Variants in EDARADD observed in about 807,000 individuals in gnomAD.
EDARADD encodes the protein EDAR associated via death domain.
In EDARADD, 20 loss-of-function variants were observed where a neutral mutation model predicts 25.6. That is an observed-to-expected ratio of 0.78 (90% CI 0.55 to 1.14). The LOEUF (loss-of-function observed/expected upper bound fraction) is 1.14. Among genes scored for constraint, EDARADD ranks in the 50% most tolerant of loss-of-function variants. EDARADD has a pLI of 0.00. For synonymous variants in EDARADD, 86 were observed against 94.4 expected (o/e 0.91, Z 0.52); for missense variants, 225 against 270.1 (o/e 0.83, Z 1.17).
intron 4 of EDARADD, among the ~76,000 whole-genome samples, chr1:236,439,318 G>C (rs866814798): frequency 1.3e-5 from 2 of 152,158 alleles, no homozygotes; most frequent in Non-Finnish European, 2.9e-5. Context: ...AAACATTCAC[G>C]TGCAGATTTT....
chr1:236,436,277 C>T lies in EDARADD; in HGVS notation c.219+8827C>T, dbSNP rs1658247666. ...GGTTCAAGCGATTTACCTGCCTCAG[C>T]CCCCGAGTAGCTCGAACTACAGGCG... On this transcript the variant is annotated intron_variant, in intron 4 of 5. Coordinates refer to ENST00000334232, the MANE Select transcript of EDARADD (RefSeq NM_145861.4). 2.0e-5 allele frequency among the ~76,000 whole-genome samples: 3 copies of T among 152,012 alleles called. No individual in the cohort carries two copies. In the South Asian group the frequency reaches 6.2e-4, roughly 32 times the overall value.
At chr1:236,424,377 A>AT (rs1422861746) in intron 3 of EDARADD, among the ~76,000 whole-genome samples, 1 of 151,706 alleles carries the variant, frequency 6.6e-6, no homozygotes, top group Non-Finnish European at 1.5e-5. Context: ...GCCTGGGCTG[A>AT]TTTTGAACTC....
At chr1:236,452,505 T>C (rs12129254) in intron 4 of EDARADD, among the ~76,000 whole-genome samples, 18,572 of 144,854 alleles carry the variant, frequency 0.13, 1,923 homozygotes, top group East Asian at 0.52. Context: ...ATCCCCCCTC[T>C]CTCTCTCTCT....
chr1:236,383,823 G>A (rs1175034220), intron 3 of EDARADD, among the ~76,000 whole-genome samples: 1 of 152,068 alleles, frequency 6.6e-6, no homozygotes, highest in Non-Finnish European at 1.5e-5. Context: ...GGGCAACGTA[G>A]TGATACCATA....
In EDARADD at chr1:236,444,203, TTA is replaced by T. The variant is rs1405591188; in HGVS notation, c.219+16755_219+16756del. ...TTTCGTGCACTGGGAAACCAAAAAT[TTA>T]TGTGACCTGCTTTATTGCTATATTT... is the stretch of plus-strand genomic sequence containing the variant. On this transcript the variant is annotated intron_variant, in intron 4 of 5. Coordinates refer to ENST00000334232, the MANE Select transcript of EDARADD (RefSeq NM_145861.4). Among the ~76,000 whole-genome samples the T allele has an allele frequency of 2.6e-5, 4 of 152,188 alleles. No individual in the cohort carries two copies. In the East Asian group the frequency reaches 5.8e-4, roughly 22 times the overall value.
chr1:236,370,243 A>T (rs181557787), intron 3 of EDARADD, among the ~76,000 whole-genome samples: 14 of 152,080 alleles, frequency 9.2e-5, no homozygotes, highest in African/African-American at 3.4e-4. Flanking sequence ...CAACATGGTG[A>T]AACCCCCTCT....
chr1:236,405,883 T>G (rs1417305577), intron 1 of EDARADD, among the ~76,000 whole-genome samples: 1 of 37,104 alleles, frequency 2.7e-5, no homozygotes, highest in African/African-American at 8.7e-5. Context: ...CCTTCTTTCT[T>G]TCTTTCTTTC....
chr1:236,405,767 TTC>T (rs1385799841), intron 1 of EDARADD, among the ~76,000 whole-genome samples: 126 of 61,136 alleles, frequency 2.1e-3, no homozygotes, highest in South Asian at 4.8e-3. Flanking sequence ...CTTTCTTTCT[TTC>T]TTTCTTTCTT....
rs1034498186 is a variant in EDARADD, at chr1:236,398,124, T to A, written c.61+3619T>A. Among the ~76,000 whole-genome samples, 2 of 152,086 alleles carry A rather than the reference T, an allele frequency of 1.3e-5. No homozygotes were observed. The highest frequency in any genetic ancestry group is 1.3e-4 in the Admixed American group (2 of 15,260). ...TGCCAGGGCCATCTTTTATTTTATT[T>A]TTATTATTATTATTTTTCAAGATGG... On this transcript the variant is annotated intron_variant, in intron 1 of 5. Transcript: ENST00000334232. The surrounding 1 kb of genome is among the most constrained non-coding windows in gnomAD (Gnocchi z 4.1).
At chr1:236,378,129 T>C (rs1273079645) in intron 3 of EDARADD, among the ~76,000 whole-genome samples, 1 of 152,124 alleles carries the variant, frequency 6.6e-6, no homozygotes, top group Admixed American at 6.6e-5. Flanking sequence ...TGGGATCTGA[T>C]GGTTAGAGTG....
Position 236,483,669 on chromosome 1 carries a change from A to T in EDARADD, c.*1020A>T. 1 of 1,574,154 alleles carries T rather than the reference A, an allele frequency of 6.4e-7. No individual in the cohort carries two copies. Among genetic ancestry groups the T allele is most frequent in the South Asian group, 1.1e-5 (1 of 90,288 alleles). ...CACCAAGCTGGCCATGCAGGAGTTCATGGTCCTCCCAGTCGGTGCAGCAAA... is the reference window on the plus strand; with the variant it reads ...CACCAAGCTGGCCATGCAGGAGTTCTTGGTCCTCCCAGTCGGTGCAGCAAA... On this transcript the variant is annotated 3_prime_UTR_variant, in exon 6 of 6. Transcript: ENST00000334232.
At chr1:236,373,879 G>C (rs1391465445) in intron 3 of EDARADD, among the ~76,000 whole-genome samples, 2 of 152,124 alleles carry the variant, frequency 1.3e-5, no homozygotes, top group Non-Finnish European at 2.9e-5. Flanking sequence ...TTAGTTCAAA[G>C]TATTTTTAAA....
chr1:236,477,298 G>A (rs1659535914), intron 5 of EDARADD, among the ~76,000 whole-genome samples: 2 of 151,864 alleles, frequency 1.3e-5, no homozygotes, highest in African/African-American at 4.8e-5. Context: ...AGCAGATCAT[G>A]AGGTCAGGAA....
intron 2 of EDARADD, among the ~76,000 whole-genome samples, chr1:236,413,294 C>A (rs1423387407): frequency 1.3e-5 from 2 of 152,116 alleles, no homozygotes; most frequent in African/African-American, 2.4e-5. Context: ...TTTTTATTTA[C>A]TAATTTATTT....
chr1:236,424,322 C>T (rs1657855998), intron 3 of EDARADD, among the ~76,000 whole-genome samples: 1 of 151,722 alleles, frequency 6.6e-6, no homozygotes, highest in Non-Finnish European at 1.5e-5. Context: ...ACACCATGCC[C>T]AGCTAATTTT....
At chr1:236,372,318 A>G (rs191681513) in intron 3 of EDARADD, among the ~76,000 whole-genome samples, 104 of 152,204 alleles carry the variant, frequency 6.8e-4, no homozygotes, top group African/African-American at 2.5e-3. Context: ...TTCTGTATCT[A>G]TTGATGTGAT....
At chr1:236,469,852 A>G (rs903649419) in intron 5 of EDARADD, among the ~76,000 whole-genome samples, 2 of 151,792 alleles carry the variant, frequency 1.3e-5, no homozygotes, top group African/African-American at 2.4e-5. Flanking sequence ...CTGGAGTGCA[A>G]TGGTGCGCCA....
intron 5 of EDARADD, among the ~76,000 whole-genome samples, chr1:236,469,845 G>C (rs188828869): frequency 7.4e-4 from 112 of 152,098 alleles, no homozygotes; most frequent in African/African-American, 2.6e-3. Flanking sequence ...GCCTAGGCTG[G>C]AGTGCAATGG....
intron 3 of EDARADD, among the ~76,000 whole-genome samples, chr1:236,421,018 G>A (rs536471261): frequency 1.6e-5 from 2 of 123,528 alleles, no homozygotes; most frequent in South Asian, 6.1e-4. Flanking sequence ...ACAGGTGTGA[G>A]CCACTGTGCC....
Sources: allele counts gnomAD v4.1 joint callset (sites outside exome capture counted in the v4.1 genomes callset), GRCh38; gene constraint gnomAD v4.1.1; non-coding constraint Gnocchi (gnomAD v3.1); transcripts MANE v1.5; gene names NCBI Gene and HGNC (gene_info 2026-07-23, HGNC 2026-07-21).